The following CAT variants were observed in gnomAD, a reference collection of about 807,000 sequenced individuals.
CAT encodes the protein epididymis secretory sperm binding protein.
A neutral mutation model predicts 59.0 loss-of-function variants in CAT; 43 were observed. The ratio of observed to expected loss-of-function variants is 0.73; its 90% CI spans 0.57 to 0.94. The LOEUF is 0.94. CAT is among the 40% of genes least tolerant of loss of function. The pLI, the probability that CAT is intolerant of heterozygous loss-of-function variation, is 0.00. For synonymous variants in CAT, 218 were observed against 230.9 expected (o/e 0.94, Z 0.51); for missense variants, 664 against 682.9 (o/e 0.97, Z 0.31).
intron 12 of CAT, among the ~76,000 whole-genome samples, 159 bp from the exon 13 acceptor site, chr11:34,471,209 A>AT (rs1207380932): frequency 3.0e-4 from 46 of 152,382 alleles, no homozygotes; most frequent in African/African-American, 1.0e-3. Context: ...ATTCACTGGC[A>AT]AAACACATAC....
At chr11:34,460,446 C>CCTTTTA (rs764827639) in intron 8 of CAT, among the ~76,000 whole-genome samples, 1 of 84,532 alleles carries the variant, frequency 1.2e-5, no homozygotes, top group Admixed American at 1.4e-4. Context: ...GTGGGCGGTA[C>CCTTTTA]TTTTTTTTTT....
chr11:34,456,345 G>C, intron 7 of CAT, 143 bp downstream of exon 7: 2 of 700,218 alleles, frequency 2.9e-6, no homozygotes, highest in Non-Finnish European at 4.8e-6. Context: ...CCTAAGCTGT[G>C]AATGAGTGCT....
chr11:34,466,359 C>T (rs1856715986), intron 10 of CAT, among the ~76,000 whole-genome samples: 1 of 152,094 alleles, frequency 6.6e-6, no homozygotes, highest in Non-Finnish European at 1.5e-5. Flanking sequence ...ACATTAAGAC[C>T]TTATGACTGA....
At chr11:34,453,035 C>A in intron 4 of CAT, 55 bp from the exon 5 acceptor site, 2 of 1,019,082 alleles carry the variant, frequency 2.0e-6, no homozygotes, top group Non-Finnish European at 3.1e-6. Flanking sequence ...ATGAAAGACA[C>A]CATAATTCCT....
chr11:34,445,619 T>C (rs1056132912), intron 1 of CAT, among the ~76,000 whole-genome samples: 2 of 147,080 alleles, frequency 1.4e-5, no homozygotes, highest in African/African-American at 5.1e-5. Context: ...TGGGGCAGGG[T>C]AGAGAGAGCA....
At chr11:34,467,386 T>C (rs1193098033) in intron 10 of CAT, among the ~76,000 whole-genome samples, 1 of 152,184 alleles carries the variant, frequency 6.6e-6, no homozygotes, top group Non-Finnish European at 1.5e-5. Flanking sequence ...TAATCGAAAA[T>C]GTCTGATTAA....
At position 34,453,790 on chromosome 11, in the gene CAT, CT is replaced by C; in HGVS notation, c.586-10del. On this transcript the variant is annotated splice_polypyrimidine_tract_variant and intron_variant, in intron 5 of 12. Transcript: ENST00000241052. ...TGAAAACATTTTAGGCTTTATATTT[CT>C]GTTCTTTAGGTTTCTTTCTTGTTCA... is the stretch of plus-strand genomic sequence containing the variant. 1 of 1,611,438 alleles carries C rather than the reference CT, an allele frequency of 6.2e-7. No homozygotes were observed. The highest frequency in any genetic ancestry group is 8.5e-7 in the Non-Finnish European group (1 of 1,177,742).
chr11:34,448,178 A>G (rs1856481806), intron 1 of CAT, among the ~76,000 whole-genome samples: 1 of 152,196 alleles, frequency 6.6e-6, no homozygotes. Context: ...ACAGACATGC[A>G]TGGGGAGTAA....
At chr11:34,440,171 C>G (rs1441642569) in intron 1 of CAT, among the ~76,000 whole-genome samples, 4 of 152,140 alleles carry the variant, frequency 2.6e-5, no homozygotes, top group Admixed American at 2.6e-4. Flanking sequence ...TGCTCTTGCT[C>G]AAAACTCAGG....
At chr11:34,457,335 C>G (rs541897035) in intron 8 of CAT, among the ~76,000 whole-genome samples, 2 of 150,186 alleles carry the variant, frequency 1.3e-5, no homozygotes, top group Non-Finnish European at 3.0e-5. Flanking sequence ...GCCTCAGCCT[C>G]TTGATTAGCT....
Position 34,439,085 on chromosome 11 carries a change from C to A in CAT, c.66+6C>A. The A allele has an allele frequency of 6.3e-7, 1 of 1,582,776 alleles. No homozygotes were observed. Among genetic ancestry groups the A allele is most frequent in the Non-Finnish European group, 8.6e-7 (1 of 1,164,324 alleles). On this transcript the variant is annotated splice_donor_region_variant and intron_variant, in intron 1 of 12. Coordinates refer to ENST00000241052, the MANE Select transcript of CAT (RefSeq NM_001752.4). ...AGGAGCAGCGGGCCGCGCAGGTACA[C>A]TCTGTGCTCCCCGAGCGGGCCCGAA...
chr11:34,447,293 T>C (rs1007012651), intron 1 of CAT, among the ~76,000 whole-genome samples: 1 of 152,152 alleles, frequency 6.6e-6, no homozygotes, highest in African/African-American at 2.4e-5. Flanking sequence ...ATCAGGAGGC[T>C]TTAAAAAGCT....
At position 34,450,974 on chromosome 11, in the gene CAT, G is replaced by A. The variant is rs1856517350; in HGVS notation, c.239-14G>A. 6.5e-7 allele frequency: 1 copy of A among 1,545,852 alleles called. No individual in the cohort carries two copies. The highest frequency in any genetic ancestry group is 8.9e-7 in the Non-Finnish European group (1 of 1,117,790). ...ATGGTCTCATGGTAAGGATTTCTGT[G>A]TCTTTCTCGTTAGGGGCCTTTGGCT... On this transcript the variant is annotated splice_polypyrimidine_tract_variant and intron_variant, in intron 2 of 12. Coordinates refer to ENST00000241052, the MANE Select transcript of CAT (RefSeq NM_001752.4).
chr11:34,443,731 A>C (rs867521294), intron 1 of CAT, among the ~76,000 whole-genome samples: 1 of 152,162 alleles, frequency 6.6e-6, no homozygotes, highest in East Asian at 1.9e-4. Flanking sequence ...AGAGAGGTTA[A>C]GTCTTAGACT....
rs981152183 is a variant in CAT at position 34,451,976 on chromosome 11, T to A, written c.350-101T>A. The stretch of plus-strand genomic sequence containing the variant: ...AAATACCTAATTTAGTTCTTGGAAG[T>A]GGATTAGAAAGGATGGATCCAGGTG... On this transcript the variant is annotated intron_variant, in intron 3 of 12. Transcript: ENST00000241052. The A allele has an allele frequency of 3.2e-4, 407 of 1,265,046 alleles. 1 individual carries two copies. Among genetic ancestry groups the A allele is most frequent in the Non-Finnish European group, 6.5e-5 (56 of 865,764 alleles). 78.4% of individuals were successfully genotyped at this position (1,265,046 alleles called of 1,614,324 possible).
chr11:34,441,445 A>G (rs1856388574), intron 1 of CAT, among the ~76,000 whole-genome samples: 1 of 152,172 alleles, frequency 6.6e-6, no homozygotes, highest in Non-Finnish European at 1.5e-5. Context: ...ATATACCACC[A>G]TTTGGATATC....
chr11:34,439,094 CCCCGAGCGGG>C lies in CAT; in HGVS notation c.66+21_66+30del. 6.3e-7 allele frequency: 1 copy of C among 1,575,448 alleles called. No homozygotes were observed. The highest frequency in any genetic ancestry group is 8.6e-7 in the Non-Finnish European group (1 of 1,160,270). On this transcript the variant is annotated intron_variant, in intron 1 of 12. Coordinates refer to ENST00000241052, the MANE Select transcript of CAT (RefSeq NM_001752.4). ...GGGCCGCGCAGGTACACTCTGTGCT[CCCCGAGCGGG>C]CCCGAAGGTCCGTTTAGAAAGCGGG...
intron 1 of CAT, among the ~76,000 whole-genome samples, chr11:34,440,471 A>C (rs1856375499): frequency 6.6e-6 from 1 of 152,184 alleles, no homozygotes; most frequent in Non-Finnish European, 1.5e-5. Flanking sequence ...TTCACACTGA[A>C]GTTTTCATGA....
chr11:34,455,997 C>A lies in CAT; in HGVS notation c.712-14C>A. ...AATAAGTTTCCATTGGAGCTTCTTT[C>A]TTTCATTTTGTAGACTGACCAGGGC... On this transcript the variant is annotated splice_polypyrimidine_tract_variant and intron_variant, in intron 6 of 12. Coordinates refer to ENST00000241052, the MANE Select transcript of CAT (RefSeq NM_001752.4). 1 of 1,612,234 alleles carries A rather than the reference C, an allele frequency of 6.2e-7. No individual in the cohort carries two copies.
Sources: allele counts gnomAD v4.1 joint callset (sites outside exome capture counted in the v4.1 genomes callset), GRCh38; gene constraint gnomAD v4.1.1; transcripts MANE v1.5; gene names NCBI Gene and HGNC (gene_info 2026-07-23, HGNC 2026-07-21).